POC1B: variants seen among roughly 807,000 people sequenced by gnomAD.
POC1B encodes POC1 centriolar protein B, also known as POC1 centriolar protein homolog B.
POC1B carries 44 observed loss-of-function variants against 60.6 expected under a neutral mutation model. The observed-to-expected ratio is 0.73, with a 90% CI of 0.57 to 0.93. The LOEUF (loss-of-function observed/expected upper bound fraction) is 0.93. Among genes scored for constraint, POC1B ranks in the 40% least tolerant of loss-of-function variants. The pLI is 0.00. For missense variants in POC1B, 555 were observed against 572.3 expected (o/e 0.97, Z 0.31); for synonymous variants, 180 against 198.9 (o/e 0.90, Z 0.80).
At chr12:89,464,068 A>G (rs1479475639) in intron 9 of POC1B, among the ~76,000 whole-genome samples, 5 of 152,220 alleles carry the variant, frequency 3.3e-5, no homozygotes, top group African/African-American at 1.2e-4. Flanking sequence ...GCAAACAGAG[A>G]AAGAAAAATT....
intron 10 of POC1B, among the ~76,000 whole-genome samples, chr12:89,438,436 G>A (rs1003145229): frequency 6.6e-6 from 1 of 152,250 alleles, no homozygotes; most frequent in Non-Finnish European, 1.5e-5. Flanking sequence ...CCGCCTGGGT[G>A]AAAGAGCGAG....
intron 10 of POC1B, among the ~76,000 whole-genome samples, chr12:89,434,055 T>C (rs1276584099): frequency 6.6e-6 from 1 of 152,254 alleles, no homozygotes; most frequent in African/African-American, 2.4e-5. Context: ...TGTAGGAACA[T>C]ACTCATCTGA....
chr12:89,442,774 G>A lies in POC1B; in HGVS notation c.1113+16864C>T, dbSNP rs570299945. On this transcript the variant is annotated intron_variant, in intron 10 of 11. Coordinates refer to ENST00000313546, the MANE Select transcript of POC1B (RefSeq NM_172240.3). ...AACAATATTAACCTTCAATGTAAAT[G>A]GGCTAAATGCTCCAATTAAAAGACA... is the stretch of plus-strand genomic sequence containing the variant. 5.9e-5 allele frequency among the ~76,000 whole-genome samples: 9 copies of A among 152,236 alleles called. No individual in the cohort carries two copies. In the South Asian group the frequency reaches 1.9e-3, roughly 32 times the overall value.
chr12:89,522,987 A>G, intron 2 of POC1B: 5 of 1,614,032 alleles, frequency 3.1e-6, no homozygotes, highest in Non-Finnish European at 4.2e-6. Context: ...CAGGGAACCC[A>G]TCTTTGGGAC....
At chr12:89,428,353 A>C (rs1310901723) in intron 10 of POC1B, 1 of 152,238 alleles carries the variant, frequency 6.6e-6, no homozygotes, top group African/African-American at 2.4e-5. Context: ...TACCCTACTG[A>C]AGCTGGACCT....
intron 2 of POC1B, among the ~76,000 whole-genome samples, chr12:89,499,115 A>T (rs150958929): frequency 1.6e-4 from 25 of 152,260 alleles, no homozygotes; most frequent in Non-Finnish European, 3.4e-4. Flanking sequence ...GCGTTTCCAT[A>T]GTAGACAGGA....
In POC1B at chr12:89,486,479, G is replaced by C. The variant is rs147746582; in HGVS notation, c.452+5457C>G. Among the ~76,000 whole-genome samples, 28 of 152,316 alleles carry C rather than the reference G, an allele frequency of 1.8e-4. No individual in the cohort carries two copies. In the East Asian group the frequency reaches 5.0e-3, roughly 27 times the overall value. The stretch of plus-strand genomic sequence containing the variant: ...CACACTTGAGGAGACTTGTCTGGCT[G>C]CAAGAAGGTGAATGGTGAAAGTGAC... On this transcript the variant is annotated intron_variant, in intron 4 of 11. Coordinates refer to ENST00000313546, the MANE Select transcript of POC1B (RefSeq NM_172240.3).
chr12:89,524,353 T>C (rs1290441977), intron 2 of POC1B: 1 of 1,614,016 alleles, frequency 6.2e-7, no homozygotes, highest in Non-Finnish European at 8.5e-7. Context: ...TGCAGGGGGC[T>C]TCTTATAAAG....
intron 10 of POC1B, among the ~76,000 whole-genome samples, chr12:89,438,413 C>T (rs777656260): frequency 1.3e-5 from 2 of 152,164 alleles, no homozygotes; most frequent in Non-Finnish European, 2.9e-5. Flanking sequence ...GCCGTGATAG[C>T]GCCACTGCAC....
chr12:89,470,307 TA>T, intron 7 of POC1B, 53 bp downstream of exon 7: 1 of 989,904 alleles, frequency 1.0e-6, no homozygotes, highest in Non-Finnish European at 1.3e-6. Context: ...AAATTTAAAA[TA>T]TATATTATTT....
chr12:89,516,268 T>C (rs1457324156), intron 2 of POC1B, among the ~76,000 whole-genome samples: 1 of 152,214 alleles, frequency 6.6e-6, no homozygotes, highest in South Asian at 2.1e-4. Context: ...TCTCCTCTTC[T>C]GATCTACAGG....
At chr12:89,490,537 G>T (rs939793583) in intron 4 of POC1B, among the ~76,000 whole-genome samples, 3 of 152,092 alleles carry the variant, frequency 2.0e-5, no homozygotes, top group Non-Finnish European at 4.4e-5. Flanking sequence ...TAGAGACAGG[G>T]TTTTGCCACA....
At chr12:89,426,210 G>A (rs542144610) in intron 10 of POC1B, 2 of 152,286 alleles carry the variant, frequency 1.3e-5, no homozygotes, top group South Asian at 2.1e-4. Flanking sequence ...AAAAAGTACA[G>A]TAGAGGTTAC....
chr12:89,461,220 C>T (rs1214823789), intron 9 of POC1B: 1 of 152,102 alleles, frequency 6.6e-6, no homozygotes, highest in Non-Finnish European at 1.5e-5. Flanking sequence ...CAGCATGTGA[C>T]CTGTGGGCTG....
the POC1B span, among the ~76,000 whole-genome samples, chr12:89,410,127 C>T: frequency 6.6e-6 from 1 of 152,184 alleles, no homozygotes; most frequent in Non-Finnish European, 1.5e-5. Context: ...CTGCTTCATC[C>T]CTGGGATGCA....
Position 89,492,337 on chromosome 12 carries a change from G to A in POC1B, c.273-222C>T, listed in dbSNP as rs74322189. The stretch of plus-strand genomic sequence containing the variant: ...TTGAGAACTAAAGGGTAGAAAAGAA[G>A]AGAATAGAAAAACAAAAGATGGGGA... On this transcript the variant is annotated intron_variant, in intron 3 of 11. Coordinates refer to ENST00000313546, the MANE Select transcript of POC1B (RefSeq NM_172240.3). 5.1e-3 allele frequency among the ~76,000 whole-genome samples: 782 copies of A among 152,166 alleles called. 12 individuals carry two copies. Among genetic ancestry groups the A allele is most frequent in the African/African-American group, 0.018 (733 of 41,454 alleles).
chr12:89,406,002 T>G, the POC1B span, among the ~76,000 whole-genome samples: 1 of 150,978 alleles, frequency 6.6e-6, no homozygotes, highest in Non-Finnish European at 1.5e-5. Context: ...TTTTTTTTTT[T>G]TTGGTTGTTG....
chr12:89,506,276 C>G (rs1483964099), intron 2 of POC1B, among the ~76,000 whole-genome samples: 4 of 152,192 alleles, frequency 2.6e-5, no homozygotes, highest in African/African-American at 9.7e-5. Flanking sequence ...TCTCTGTGCC[C>G]AGGACATTTC....
In POC1B at chr12:89,502,096, A is replaced by G. The variant is rs1869602410; in HGVS notation, c.101-4754T>C. ...TCAGACCAGTGGATATACATGTAAT[A>G]CACCAACAGAGTCAAACTTGGATTC... On this transcript the variant is annotated intron_variant, in intron 2 of 11. Transcript: ENST00000313546. The G allele has an allele frequency of 4.4e-6, 5 of 1,135,058 alleles. No homozygotes were observed. The Admixed American group carries it at 8.4e-5, about 19-fold the overall frequency. The allele number at this position is 1,135,058 out of a possible 1,614,324, so 70.3% of individuals were successfully genotyped here.
Sources: gnomAD v4.1 joint callset for allele counts (sites outside exome capture counted in the v4.1 genomes callset) on GRCh38, gnomAD v4.1.1 for gene constraint, MANE v1.5 for transcripts, NCBI Gene and HGNC (gene_info 2026-07-23, HGNC 2026-07-21) for gene names.